Variants in KAT14 observed in about 807,000 individuals in gnomAD.
KAT14 encodes the protein cysteine-rich protein 2-binding protein.
KAT14 carries 66 observed loss-of-function variants against 78.4 expected under a neutral mutation model. That is an observed-to-expected ratio of 0.84 (90% CI 0.69 to 1.03). The LOEUF (loss-of-function observed/expected upper bound fraction) is 1.03, where lower values mean the gene tolerates loss of function less well. Ranked by LOEUF, KAT14 falls within the 50% of genes least tolerant of loss-of-function variation. The pLI, the probability that KAT14 is intolerant of heterozygous loss-of-function variation, is 0.00. For synonymous variants in KAT14, 344 were observed against 359.4 expected, an observed-to-expected ratio of 0.96 and a Z score of 0.48; for missense variants, 870 against 972.5, an observed-to-expected ratio of 0.89 and a Z score of 1.40.
Position 18,137,970 on chromosome 20 carries a change from G to A in KAT14, c.-535G>A. ...CCAGCGTGGGGATGTCTAGGAGCTC[G>A]AAGGTGGTGCTGGGCCTCTCGGTGC... On this transcript the variant is annotated 5_prime_UTR_variant, in exon 1 of 11. Coordinates refer to ENST00000688188, the MANE Select transcript of KAT14 (RefSeq NM_001392073.1). The A allele has an allele frequency of 6.7e-7, 1 of 1,499,886 alleles. No homozygotes were observed. The highest frequency in any genetic ancestry group is 8.8e-7 in the Non-Finnish European group (1 of 1,131,544). 92.9% of individuals were successfully genotyped at this position (1,499,886 alleles called of 1,614,324 possible).
intron 8 of KAT14, 130 bp from the exon 9 acceptor site, chr20:18,182,993 C>T: frequency 7.7e-7 from 1 of 1,305,900 alleles, no homozygotes; most frequent in South Asian, 1.6e-5. Context: ...ATCAAGCCAG[C>T]TTCGTGTAAA....
intron 2 of KAT14, among the ~76,000 whole-genome samples, chr20:18,144,888 G>T (rs899376809): frequency 9.9e-5 from 15 of 152,190 alleles, no homozygotes; most frequent in African/African-American, 3.6e-4. Context: ...CTAGCCCAGT[G>T]CCTGGTATGC....
intron 7 of KAT14, 24 bp from the exon 8 acceptor site, chr20:18,181,686 A>G (rs912546824): frequency 3.7e-6 from 6 of 1,613,802 alleles, no homozygotes; most frequent in African/African-American, 1.3e-5. Flanking sequence ...TTATTTCTAT[A>G]TAACCAGTGT....
In KAT14 at chr20:18,159,199, C is replaced by T; in HGVS notation, c.616C>T (p.His206Tyr). ...AGAGCCAGGATGGTGGAAACTTGTT[C>T]ATAACAAGCCCCCAACGATGAAACC... ...FGEPGWWKLV[H>Y]NKPPTMKPEG... The change falls in exon 5 of 11, where the codon CAT becomes TAT. Residue 206 changes from histidine to tyrosine, a missense_variant. Transcript: ENST00000688188. 1 of 1,614,072 alleles carries T rather than the reference C, an allele frequency of 6.2e-7. No homozygotes were observed. Among genetic ancestry groups the T allele is most frequent in the Non-Finnish European group, 8.5e-7 (1 of 1,179,992 alleles).
chr20:18,158,725 C>T (rs1310948861), intron 4 of KAT14, among the ~76,000 whole-genome samples: 2 of 152,342 alleles, frequency 1.3e-5, no homozygotes, highest in South Asian at 2.1e-4. Flanking sequence ...GCTTAATTCA[C>T]ATAACAAAGC....
In KAT14 at chr20:18,162,661, G is replaced by C. The variant is rs144863968; in HGVS notation, c.1384G>C (p.Val462Leu). The change falls in exon 7 of 11, where the codon GTG (valine) becomes CTG (leucine). Residue 462 changes from valine to leucine, a missense_variant. Val to Leu is a conservative substitution (Grantham distance 32). Transcript: ENST00000688188. ...TKPKEPRYTP[V>L]SIYEEKLLLK... ...GCCGAAAGAGCCCAGGTATACTCCC[G>C]TGAGCATCTACGAGGAAAAGCTGCT... 1.7e-5 allele frequency: 28 copies of C among 1,614,100 alleles called. No homozygotes were observed. The African/African-American group carries it at 3.6e-4, about 21-fold the overall frequency.
intron 7 of KAT14, among the ~76,000 whole-genome samples, chr20:18,179,628 A>G (rs747948562): frequency 5.6e-4 from 85 of 152,102 alleles, no homozygotes; most frequent in Non-Finnish European, 1.2e-3. Flanking sequence ...GCTGCCTTCT[A>G]GGCTTCCAGG....
rs763144328 is a variant in KAT14 at position 18,162,687 on chromosome 20, G to A, written c.1410G>A (p.Leu470=). The change falls in exon 7 of 11, where the codon CTG becomes CTA. Residue 470 remains leucine, a synonymous_variant. Coordinates refer to ENST00000688188, the MANE Select transcript of KAT14 (RefSeq NM_001392073.1). The stretch of plus-strand genomic sequence containing the variant: ...TGAGCATCTACGAGGAAAAGCTGCT[G>A]CTCAAGAGGCTGGAAGCTTGTCCCG... ...TPVSIYEEKL[L]LKRLEACPGA... 1 of 1,614,246 alleles carries A rather than the reference G, an allele frequency of 6.2e-7. No individual in the cohort carries two copies. The highest frequency in any genetic ancestry group is 8.5e-7 in the Non-Finnish European group (1 of 1,180,038).
At chr20:18,138,515 A>ATGTGTTG (rs1858851940) in intron 1 of KAT14, 2 of 944,040 alleles carry the variant, frequency 2.1e-6, no homozygotes, top group Non-Finnish European at 2.5e-6. Context: ...GTTGGGGTTA[A>ATGTGTTG]AGCCTAATGT....
At chr20:18,181,914 C>G in intron 8 of KAT14, 68 bp downstream of exon 8, 2 of 1,587,394 alleles carry the variant, frequency 1.3e-6, no homozygotes, top group Non-Finnish European at 1.7e-6. Context: ...TTTCTGTGCC[C>G]TGTTCTCCTG....
At position 18,141,866 on chromosome 20, in the gene KAT14, A is replaced by G. The variant is rs570830478; in HGVS notation, c.-453-342A>G. Among the ~76,000 whole-genome samples the G allele has an allele frequency of 4.0e-3, 604 of 152,322 alleles. 3 individuals carry two copies. The highest frequency in any genetic ancestry group is 4.2e-3 in the Non-Finnish European group (285 of 68,024). On this transcript the variant is annotated intron_variant, in intron 1 of 10. Transcript: ENST00000688188. ...CAGCCACTGCACTCCAGCCTGGGCG[A>G]CAGAGCGAGACTCTTGTCTCAAAAA...
intron 5 of KAT14, among the ~76,000 whole-genome samples, chr20:18,159,484 C>G (rs2038342593): frequency 6.6e-6 from 1 of 152,212 alleles, no homozygotes; most frequent in African/African-American, 2.4e-5. Context: ...TTATAAATTT[C>G]CCAGGGTATC....
intron 1 of KAT14, among the ~76,000 whole-genome samples, chr20:18,138,812 G>A (rs879550653): frequency 6.6e-6 from 1 of 152,048 alleles, no homozygotes; most frequent in Non-Finnish European, 1.5e-5. Flanking sequence ...ACCTTTAATG[G>A]GTGATTACTG....
intron 3 of KAT14, among the ~76,000 whole-genome samples, chr20:18,145,703 C>A (rs938792084): frequency 3.9e-5 from 6 of 152,116 alleles, no homozygotes; most frequent in African/African-American, 1.4e-4. Context: ...ATCGCTTGAA[C>A]CTGGGAGGCG....
chr20:18,146,889 T>C (rs1164080222), intron 3 of KAT14, among the ~76,000 whole-genome samples: 1 of 152,066 alleles, frequency 6.6e-6, no homozygotes, highest in Non-Finnish European at 1.5e-5. Flanking sequence ...TTATGTTCAT[T>C]CATTCATTCA....
chr20:18,139,574 A>G (rs1182094339), intron 1 of KAT14, among the ~76,000 whole-genome samples: 1 of 151,950 alleles, frequency 6.6e-6, no homozygotes, highest in Non-Finnish European at 1.5e-5. Flanking sequence ...ACTAAGCACC[A>G]TTGTGTTACA....
rs1349692465 is a variant in KAT14, at chr20:18,187,507, CT to C, written c.*51del. On this transcript the variant is annotated 3_prime_UTR_variant, in exon 11 of 11. Coordinates refer to ENST00000688188, the MANE Select transcript of KAT14 (RefSeq NM_001392073.1). ...ACGCATGTGCTATTGGAGAACAGGT[CT>C]TTGTGGAGATCTAAAGGCAGTGATT... The C allele has an allele frequency of 6.2e-7, 1 of 1,608,514 alleles. No homozygotes were observed. Among genetic ancestry groups the C allele is most frequent in the Admixed American group, 1.7e-5 (1 of 58,650 alleles).
chr20:18,137,855 G>T, upstream of KAT14: 1 of 1,216,624 alleles, frequency 8.2e-7, no homozygotes, highest in South Asian at 1.9e-5. Context: ...CTCTGCGCTC[G>T]AGGGGTCGAG....
intron 7 of KAT14, among the ~76,000 whole-genome samples, chr20:18,166,846 T>C (rs2038659353): frequency 6.6e-6 from 1 of 152,204 alleles, no homozygotes; most frequent in African/African-American, 2.4e-5. Flanking sequence ...TTAAGTGAGG[T>C]TGAACCTGGA....
Sources: gnomAD v4.1 joint callset for allele counts (sites outside exome capture counted in the v4.1 genomes callset) on GRCh38, gnomAD v4.1.1 for gene constraint, MANE v1.5 for transcripts, NCBI Gene and HGNC (gene_info 2026-07-23, HGNC 2026-07-21) for gene names.